MAP4: variants seen among roughly 807,000 people sequenced by gnomAD.
MAP4 encodes microtubule-associated protein 4.
A neutral mutation model predicts 170.2 loss-of-function variants in MAP4; 76 were observed. That is an observed-to-expected ratio of 0.45 (90% CI 0.37 to 0.54). MAP4 has a LOEUF of 0.54. Ranked by LOEUF, MAP4 falls within the 20% of genes least tolerant of loss-of-function variation. The pLI is 0.00. For synonymous variants in MAP4, 909 were observed against 994.5 expected, an observed-to-expected ratio of 0.91 and a Z score of 1.62; for missense variants, 2,506 against 2,748.0, an observed-to-expected ratio of 0.91 and a Z score of 1.97.
intron 3 of MAP4, among the ~76,000 whole-genome samples, chr3:47,930,313 C>T (rs2100048878): frequency 1.3e-5 from 2 of 150,998 alleles, no homozygotes; most frequent in Middle Eastern, 3.4e-3. Flanking sequence ...GGCGCGGTGG[C>T]GGGCGCCTGT....
chr3:48,074,676 T>TTGTGTGTGTGTGTGTGTGTGTGTG (rs555691222), intron 1 of MAP4, among the ~76,000 whole-genome samples: 9 of 90,634 alleles, frequency 9.9e-5, no homozygotes, highest in East Asian at 6.8e-4. Flanking sequence ...ATCCAGCTAA[T>TTGTGTGTGTGTGTGTGTGTGTGTG]TGTGTGTGTG....
Position 47,954,029 on chromosome 3 carries a change from AAAAC to A in MAP4, c.292+23832_292+23835del, listed in dbSNP as rs377395920. On this transcript the variant is annotated intron_variant, in intron 3 of 20. Transcript: ENST00000683076. ...ACTCTGTCTCAAAAAAACAAAAAAA[AAAAC>A]AAACAACAACAAAAAAAGAAATGCA... Among the ~76,000 whole-genome samples, 21 of 152,072 alleles carry A rather than the reference AAAAC, an allele frequency of 1.4e-4. 1 individual carries two copies. The highest frequency in any genetic ancestry group is 4.8e-4 in the African/African-American group (20 of 41,492).
At chr3:48,038,572 C>T (rs1233611724) in intron 1 of MAP4, among the ~76,000 whole-genome samples, 8 of 151,672 alleles carry the variant, frequency 5.3e-5, no homozygotes, top group African/African-American at 9.7e-5. Context: ...GCCATTCTCC[C>T]GCCTCAGCCT....
chr3:48,063,810 CAGAA>C (rs2100137097), intron 1 of MAP4, among the ~76,000 whole-genome samples: 1 of 152,004 alleles, frequency 6.6e-6, no homozygotes, highest in Non-Finnish European at 1.5e-5. Context: ...ACTATGAAGA[CAGAA>C]AGATATTAGT....
chr3:47,948,646 G>C (rs1003504559), intron 3 of MAP4, among the ~76,000 whole-genome samples: 1 of 151,550 alleles, frequency 6.6e-6, no homozygotes, highest in Middle Eastern at 3.4e-3. Context: ...TTTTGAGACA[G>C]AGTCTCGCTC....
intron 4 of MAP4, among the ~76,000 whole-genome samples, chr3:47,923,769 G>C (rs2100044305): frequency 6.6e-6 from 1 of 152,060 alleles, no homozygotes; most frequent in South Asian, 2.1e-4. Context: ...GTGAGCCGTG[G>C]TTGTACCACT....
rs1577144358 is a variant in MAP4 at position 47,890,957 on chromosome 3, A to C, written c.5434+11993T>G. On this transcript the variant is annotated intron_variant, in intron 10 of 20. Transcript: ENST00000683076. ...AAAGCTGCTTAGTGCTCTGCCGGTA[A>C]TCTGTCACTTTGGTTCCTTCCTTGC... is the stretch of plus-strand genomic sequence containing the variant. The C allele has an allele frequency of 2.3e-6, 3 of 1,299,606 alleles. No homozygotes were observed. The East Asian group carries it at 7.6e-5, about 33-fold the overall frequency. 80.5% of individuals were successfully genotyped at this position (1,299,606 alleles called of 1,614,324 possible).
intron 12 of MAP4, among the ~76,000 whole-genome samples, chr3:47,875,439 A>G (rs570611950): frequency 9.2e-5 from 14 of 152,290 alleles, no homozygotes; most frequent in African/African-American, 2.4e-4. Flanking sequence ...GTCTGCATCA[A>G]TGGGCCCCAA....
At position 47,916,400 on chromosome 3, in the gene MAP4, T is replaced by C. The variant is rs1451896813; in HGVS notation, c.1427A>G (p.Lys476Arg). Reference protein sequence around the residue: ...LPLEAEVAPVKDMAQLPETEI... With the variant: ...LPLEAEVAPVRDMAQLPETEI... The stretch of plus-strand genomic sequence containing the variant: ...TGTTTCTGGGAGTTGAGCCATGTCC[T>C]TGACTGGGGCCACCTCTGCTTCTAA... The change falls in exon 7 of 21, where the codon AAG becomes AGG. Residue 476 changes from lysine (K) to arginine (R), a missense_variant. Coordinates refer to ENST00000683076, the MANE Select transcript of MAP4 (RefSeq NM_001385682.1). 3.1e-6 allele frequency: 5 copies of C among 1,614,126 alleles called. No homozygotes were observed. The highest frequency in any genetic ancestry group is 1.3e-5 in the African/African-American group (1 of 74,942).
At chr3:48,061,874 G>A (rs1340496270) in intron 1 of MAP4, among the ~76,000 whole-genome samples, 7 of 124,518 alleles carry the variant, frequency 5.6e-5, no homozygotes, top group Admixed American at 5.5e-4. Context: ...CACCCCGTCC[G>A]GGAGGTGGGG....
chr3:47,981,357 C>A (rs1027514558), intron 2 of MAP4, among the ~76,000 whole-genome samples: 1 of 151,914 alleles, frequency 6.6e-6, no homozygotes, highest in African/African-American at 2.4e-5. Context: ...GAATTTGAGA[C>A]CAGCCTGGGC....
rs1431791432 is a variant in MAP4, at chr3:47,909,963, T to TC, written c.4457dup (p.Val1487SerfsTer34). 8 of 1,614,046 alleles carry TC rather than the reference T, an allele frequency of 5.0e-6. No individual in the cohort carries two copies. The highest frequency in any genetic ancestry group is 2.2e-5 in the East Asian group (1 of 44,888). On this transcript the variant is annotated frameshift_variant, in exon 9 of 21. Transcript: ENST00000683076. LOFTEE classifies it high-confidence loss of function. ...CCTTGGGTCTTTCTTGACCTGGGAC[T>TC]CCATCTTTGGTGTAGTTATCTACCA...
chr3:48,056,723 GC>G (rs2100132020), intron 1 of MAP4, among the ~76,000 whole-genome samples: 1 of 89,992 alleles, frequency 1.1e-5, no homozygotes, highest in African/African-American at 5.2e-5. Flanking sequence ...GGGCGCCTCT[GC>G]CCGGCCGCCC....
intron 2 of MAP4, among the ~76,000 whole-genome samples, chr3:47,993,385 C>T (rs1402631552): frequency 2.0e-5 from 3 of 152,014 alleles, no homozygotes; most frequent in Non-Finnish European, 4.4e-5. Context: ...TGAAGCCCAC[C>T]GTGGCAGACC....
chr3:47,857,990 T>A (rs1576627674), intron 17 of MAP4, among the ~76,000 whole-genome samples: 1 of 148,464 alleles, frequency 6.7e-6, no homozygotes, highest in East Asian at 2.0e-4. Context: ...GTGTTGGGAT[T>A]ACAGGCGTGA....
At chr3:48,050,560 G>T (rs2100127156) in intron 1 of MAP4, among the ~76,000 whole-genome samples, 1 of 149,984 alleles carries the variant, frequency 6.7e-6, no homozygotes, top group African/African-American at 2.5e-5. Context: ...TAATATTCCT[G>T]TATTATCTGA....
At chr3:47,981,294 C>T (rs2100085281) in intron 2 of MAP4, among the ~76,000 whole-genome samples, 1 of 151,992 alleles carries the variant, frequency 6.6e-6, no homozygotes, top group Non-Finnish European at 1.5e-5. Context: ...CTAGGGTATG[C>T]CTATAGTCCC....
At chr3:47,852,984 C>G (rs1382147590) in intron 20 of MAP4, 46 bp from the exon 21 acceptor site, 2 of 1,614,076 alleles carry the variant, frequency 1.2e-6, no homozygotes, top group Non-Finnish European at 1.7e-6. Context: ...ACAGGGGAGA[C>G]AAGAGGGGAA....
At chr3:48,027,856 G>A (rs1050444143) in intron 1 of MAP4, among the ~76,000 whole-genome samples, 16 of 152,082 alleles carry the variant, frequency 1.1e-4, no homozygotes, top group Non-Finnish European at 1.3e-4. Context: ...TAAAAAATCC[G>A]AAGATCAGGC....
Sources: allele counts gnomAD v4.1 joint callset (sites outside exome capture counted in the v4.1 genomes callset), GRCh38; gene constraint gnomAD v4.1.1; transcripts MANE v1.5; gene names NCBI Gene and HGNC (gene_info 2026-07-23, HGNC 2026-07-21).